Variants in ABLIM2 observed in about 807,000 individuals in gnomAD.
ABLIM2 encodes the protein actin-binding LIM protein 2.
A neutral mutation model predicts 97.7 loss-of-function variants in ABLIM2; 53 were observed. That is an observed-to-expected ratio of 0.54 (90% CI 0.44 to 0.68). The LOEUF is 0.68. ABLIM2 is among the 30% of genes least tolerant of loss of function. The pLI is 0.00. For synonymous variants in ABLIM2, 361 were observed against 345.8 expected (o/e 1.04, Z -0.49); for missense variants, 835 against 867.2 (o/e 0.96, Z 0.47).
At chr4:8,097,031 G>A in intron 3 of ABLIM2, 68 bp downstream of exon 3, 1 of 1,500,940 alleles carries the variant, frequency 6.7e-7, no homozygotes, top group Admixed American at 2.2e-5. Context: ...AAGAAGGGAA[G>A]GGAGGGAGGG....
chr4:8,084,140 G>A lies in ABLIM2; in HGVS notation c.455-3338C>T, dbSNP rs766407143. On this transcript the variant is annotated intron_variant, in intron 4 of 20. Coordinates refer to ENST00000447017, the MANE Select transcript of ABLIM2 (RefSeq NM_001130083.2). ...AACTTGAGAGTGATTGAAAATCCACGAACTTGGCTTGCAGCTTCATTTAGG... is the reference window on the plus strand; with the variant it reads ...AACTTGAGAGTGATTGAAAATCCACAAACTTGGCTTGCAGCTTCATTTAGG... 2.6e-5 allele frequency among the ~76,000 whole-genome samples: 4 copies of A among 152,172 alleles called. No homozygotes were observed. In the South Asian group the frequency reaches 6.2e-4, roughly 24 times the overall value.
chr4:8,007,595 G>A (rs1762261584), intron 16 of ABLIM2: 4 of 988,712 alleles, frequency 4.0e-6, no homozygotes, highest in Non-Finnish European at 4.8e-6. Context: ...CACCATCACT[G>A]TCTCTCTATG....
chr4:8,134,484 C>A (rs1031932842), intron 1 of ABLIM2, among the ~76,000 whole-genome samples: 1 of 152,222 alleles, frequency 6.6e-6, no homozygotes, highest in Non-Finnish European at 1.5e-5. Flanking sequence ...GCAAGAAGAA[C>A]GCATGCTAAA....
intron 1 of ABLIM2, among the ~76,000 whole-genome samples, chr4:8,153,149 G>A (rs888331053): frequency 3.9e-5 from 6 of 152,162 alleles, no homozygotes; most frequent in African/African-American, 1.4e-4. Context: ...TCATCTCCCA[G>A]TCTTGCCAAT....
At chr4:8,115,496 A>T (rs2152824495) in intron 1 of ABLIM2, among the ~76,000 whole-genome samples, 1 of 152,228 alleles carries the variant, frequency 6.6e-6, no homozygotes, top group East Asian at 1.9e-4. Flanking sequence ...GGGGAACAGG[A>T]TGAACCTATG....
chr4:8,048,643 G>A (rs955064376), intron 8 of ABLIM2, among the ~76,000 whole-genome samples: 13 of 152,174 alleles, frequency 8.5e-5, no homozygotes, highest in African/African-American at 2.4e-4. Flanking sequence ...ACGGCCCCGC[G>A]TTTGGTCTCC....
At chr4:8,047,245 TCCA>T (rs1048446804) in intron 8 of ABLIM2, among the ~76,000 whole-genome samples, 1 of 152,084 alleles carries the variant, frequency 6.6e-6, no homozygotes, top group Non-Finnish European at 1.5e-5. Flanking sequence ...GGCATGACAC[TCCA>T]CCACCTGTCC....
At chr4:8,041,744 T>C (rs999848440) in intron 9 of ABLIM2, among the ~76,000 whole-genome samples, 2 of 151,332 alleles carry the variant, frequency 1.3e-5, no homozygotes, top group African/African-American at 4.9e-5. Flanking sequence ...CTATTAAAAA[T>C]ACAAAAAAAA....
intron 16 of ABLIM2, 64 bp downstream of exon 16, chr4:8,007,994 TG>T: frequency 6.3e-7 from 1 of 1,596,940 alleles, no homozygotes. Flanking sequence ...CTCTGAGTTC[TG>T]GGGCCTCTTT....
At chr4:8,100,591 G>A (rs1451092519) in intron 2 of ABLIM2, among the ~76,000 whole-genome samples, 1 of 151,884 alleles carries the variant, frequency 6.6e-6, no homozygotes, top group Non-Finnish European at 1.5e-5. Flanking sequence ...CACTAAAAAT[G>A]CAAAACTAGC....
At chr4:8,066,491 C>G (rs543053454) in intron 6 of ABLIM2, 5 of 151,790 alleles carry the variant, frequency 3.3e-5, no homozygotes, top group Admixed American at 6.6e-5. Context: ...TATATAACAG[C>G]GAAAGGATAG....
chr4:8,065,335 T>C (rs1806324776), intron 6 of ABLIM2, among the ~76,000 whole-genome samples: 1 of 152,190 alleles, frequency 6.6e-6, no homozygotes, highest in Admixed American at 6.5e-5. Flanking sequence ...AACTGGTACA[T>C]GAAAAGATGC....
intron 12 of ABLIM2, among the ~76,000 whole-genome samples, chr4:8,026,448 A>T (rs1327612499): frequency 6.6e-6 from 1 of 152,262 alleles, no homozygotes; most frequent in Non-Finnish European, 1.5e-5. Context: ...GATGAGGTAC[A>T]CGGAGAGGTG....
rs1192715453 is a variant in ABLIM2 at position 8,123,657 on chromosome 4, C to A, written c.11-17020G>T. On this transcript the variant is annotated intron_variant, in intron 1 of 20. Transcript: ENST00000447017. The surrounding 1 kb of genome is among the most constrained non-coding windows in gnomAD (Gnocchi z 6.2). ...CACCTGCATGACAGAGGCAGCCAGC[C>A]CCTGCCTTAAAGCGGGTCTCCTGGG... 6.6e-6 allele frequency among the ~76,000 whole-genome samples: 1 copy of A among 152,218 alleles called. No individual in the cohort carries two copies. Among genetic ancestry groups the A allele is most frequent in the Non-Finnish European group, 1.5e-5 (1 of 68,042 alleles).
intron 2 of ABLIM2, among the ~76,000 whole-genome samples, chr4:8,104,519 C>T (rs1382435351): frequency 6.6e-6 from 1 of 152,178 alleles, no homozygotes; most frequent in Non-Finnish European, 1.5e-5. Context: ...ATCAAGTGCC[C>T]CCGGTGATGT....
chr4:8,006,958 G>A, intron 16 of ABLIM2: 1 of 919,158 alleles, frequency 1.1e-6, no homozygotes, highest in South Asian at 5.0e-5. Flanking sequence ...CTGCACCCCA[G>A]GCGGGGGCAG....
In ABLIM2 at chr4:8,082,312, C is replaced by G. The variant is rs1339753291; in HGVS notation, c.455-1510G>C. 2.0e-5 allele frequency among the ~76,000 whole-genome samples: 3 copies of G among 152,206 alleles called. No homozygotes were observed. The highest frequency in any genetic ancestry group is 1.3e-4 in the Admixed American group (2 of 15,282). On this transcript the variant is annotated intron_variant, in intron 4 of 20. Coordinates refer to ENST00000447017, the MANE Select transcript of ABLIM2 (RefSeq NM_001130083.2). The surrounding 1 kb of genome is among the most constrained non-coding windows in gnomAD (Gnocchi z 5.6). ...ACTGAGCGTATTCCTCCTGCGGGAG[C>G]CCCCATTTCCTCATCGTGGGGTGGG...
chr4:7,967,986 C>T (rs1253338163), intron 20 of ABLIM2, among the ~76,000 whole-genome samples: 1 of 152,248 alleles, frequency 6.6e-6, no homozygotes, highest in African/African-American at 2.4e-5. Context: ...GCCTGCAACC[C>T]CTACTCTCCT....
Position 8,127,764 on chromosome 4 carries a change from C to T in ABLIM2, c.11-21127G>A. 1 of 947,136 alleles carries T rather than the reference C, an allele frequency of 1.1e-6. No homozygotes were observed. The highest frequency in any genetic ancestry group is 4.9e-5 in the South Asian group (1 of 20,506). The allele number at this position is 947,136 out of a possible 1,614,324, so 58.7% of individuals were successfully genotyped here. ...GCAGAGCCAAGCCCTTCCCGGCACACTGAAATAGACTCCCGCCACACTATG... is the reference window on the plus strand; with the variant it reads ...GCAGAGCCAAGCCCTTCCCGGCACATTGAAATAGACTCCCGCCACACTATG... On this transcript the variant is annotated intron_variant, in intron 1 of 20. Transcript: ENST00000447017. The surrounding 1 kb of genome is among the most constrained non-coding windows in gnomAD (Gnocchi z 7.3).
Sources: allele counts gnomAD v4.1 joint callset (sites outside exome capture counted in the v4.1 genomes callset), GRCh38; gene constraint gnomAD v4.1.1; non-coding constraint Gnocchi (gnomAD v3.1); transcripts MANE v1.5; gene names NCBI Gene and HGNC (gene_info 2026-07-23, HGNC 2026-07-21).